Variants in FSTL4 observed in about 807,000 individuals in gnomAD.
FSTL4 encodes the protein follistatin like 4, also known as follistatin-related protein 4.
A neutral mutation model predicts 78.2 loss-of-function variants in FSTL4; 28 were observed. The ratio of observed to expected loss-of-function variants is 0.36; its 90% CI spans 0.27 to 0.49. The LOEUF is 0.49. Ranked by LOEUF, FSTL4 falls within the 20% of genes least tolerant of loss-of-function variation. The pLI is 0.98. For synonymous variants in FSTL4, 422 were observed against 440.5 expected (o/e 0.96, Z 0.53); for missense variants, 922 against 1,084.9 (o/e 0.85, Z 2.11).
intron 3 of FSTL4, among the ~76,000 whole-genome samples, chr5:133,517,655 G>T (rs1245674155): frequency 6.6e-6 from 1 of 150,882 alleles, no homozygotes; most frequent in Non-Finnish European, 1.5e-5. Context: ...GAGAGAGGGA[G>T]AAATAGATCT....
chr5:133,371,809 G>A (rs1225540982), intron 4 of FSTL4, among the ~76,000 whole-genome samples: 1 of 152,224 alleles, frequency 6.6e-6, no homozygotes, highest in South Asian at 2.1e-4. Context: ...GTCTGTTAGA[G>A]CTGGAAGGAC....
intron 8 of FSTL4, among the ~76,000 whole-genome samples, chr5:133,229,479 T>C (rs1275732094): frequency 6.6e-6 from 1 of 151,932 alleles, no homozygotes; most frequent in South Asian, 2.1e-4. Flanking sequence ...GCCTAGATCA[T>C]GCTATTGCAC....
chr5:133,485,702 C>A (rs1382896306), intron 3 of FSTL4, among the ~76,000 whole-genome samples: 1 of 152,184 alleles, frequency 6.6e-6, no homozygotes, highest in Non-Finnish European at 1.5e-5. Context: ...CAGCAACGTT[C>A]GGGTCCTCGG....
At position 133,199,448 on chromosome 5, in the gene FSTL4, A is replaced by G. The variant is rs1750249664; in HGVS notation, c.2176T>C (p.Tyr726His). The G allele has an allele frequency of 1.2e-6, 2 of 1,614,106 alleles. No individual in the cohort carries two copies. Among genetic ancestry groups the G allele is most frequent in the African/African-American group, 1.3e-5 (1 of 74,942 alleles). The change falls in exon 16 of 16, where the codon TAT becomes CAT. Residue 726 changes from tyrosine (Y) to histidine (H), a missense_variant. By Grantham distance (83) the Tyr-to-His change is moderately conservative. Transcript: ENST00000265342. This position sits in a 1 kb window ranked among gnomAD's most constrained non-coding sequence, Gnocchi z 4.4. ...ATGCCCGAGTTTATTTGCAGGTCAT[A>G]CAGGGTCTGGATCTCGCCCCGCACT... is the stretch of plus-strand genomic sequence containing the variant. ...ITVRGEIQTL[Y>H]DLQINSGISD...
the FSTL4 span, among the ~76,000 whole-genome samples, chr5:133,640,495 A>T: frequency 6.6e-6 from 1 of 152,178 alleles, no homozygotes; most frequent in Non-Finnish European, 1.5e-5. Context: ...GTTGAGCTCT[A>T]ATTATCCCAG....
the FSTL4 span, among the ~76,000 whole-genome samples, chr5:133,681,639 T>C: frequency 6.6e-6 from 1 of 152,174 alleles, no homozygotes; most frequent in Non-Finnish European, 1.5e-5. Context: ...CTGGGGCTCA[T>C]TATTACAAAA....
chr5:133,318,175 G>A (rs1051903475), intron 4 of FSTL4, among the ~76,000 whole-genome samples: 1 of 152,048 alleles, frequency 6.6e-6, no homozygotes. Context: ...TTGCTCTCTG[G>A]GAGTCTTCAT....
chr5:133,466,527 G>A (rs1415916055), intron 3 of FSTL4, among the ~76,000 whole-genome samples: 9 of 151,310 alleles, frequency 5.9e-5, no homozygotes, highest in African/African-American at 2.2e-4. Context: ...GGGCGAAAGA[G>A]CGAGACTCTG....
intron 2 of FSTL4, among the ~76,000 whole-genome samples, chr5:133,581,351 T>C (rs1488241905): frequency 2.0e-5 from 3 of 152,216 alleles, no homozygotes; most frequent in Non-Finnish European, 2.9e-5. Flanking sequence ...TCACGTAGGA[T>C]GCACCATGAA....
At chr5:133,305,412 C>T (rs1284620457) in intron 6 of FSTL4, among the ~76,000 whole-genome samples, 1 of 152,212 alleles carries the variant, frequency 6.6e-6, no homozygotes, top group South Asian at 2.1e-4. Flanking sequence ...AGCCCCTTGT[C>T]CCTTGGGATC....
At chr5:133,565,807 A>C (rs1049565908) in intron 3 of FSTL4, among the ~76,000 whole-genome samples, 1 of 152,250 alleles carries the variant, frequency 6.6e-6, no homozygotes, top group Non-Finnish European at 1.5e-5. Flanking sequence ...AAAAAGGTTA[A>C]GTTTATATGT....
intron 3 of FSTL4, among the ~76,000 whole-genome samples, chr5:133,493,938 C>A (rs1247018345): frequency 6.6e-6 from 1 of 152,150 alleles, no homozygotes; most frequent in African/African-American, 2.4e-5. Flanking sequence ...AGACAGAAAC[C>A]AGCCCCCAGC....
chr5:133,727,845 G>A, the FSTL4 span, among the ~76,000 whole-genome samples: 8 of 152,218 alleles, frequency 5.3e-5, no homozygotes, highest in East Asian at 1.9e-4. Flanking sequence ...AGGATGCAGC[G>A]TCAGGGGAGC....
chr5:133,360,283 T>C (rs1299027012), intron 4 of FSTL4, among the ~76,000 whole-genome samples: 1 of 152,212 alleles, frequency 6.6e-6, no homozygotes, highest in Non-Finnish European at 1.5e-5. Flanking sequence ...GCCCATTTGA[T>C]GATGAGAAAG....
At chr5:133,404,916 T>C (rs1756321638) in intron 3 of FSTL4, among the ~76,000 whole-genome samples, 1 of 152,138 alleles carries the variant, frequency 6.6e-6, no homozygotes, top group African/African-American at 2.4e-5. Context: ...CAAAGAAAAC[T>C]AACGAGTGCT....
chr5:133,292,371 AG>A (rs1753285580), intron 6 of FSTL4, among the ~76,000 whole-genome samples: 1 of 152,028 alleles, frequency 6.6e-6, no homozygotes, highest in Non-Finnish European at 1.5e-5. Context: ...CCTTTCCTCC[AG>A]GCCCCAGTCC....
chr5:133,649,772 T>C, the FSTL4 span, among the ~76,000 whole-genome samples: 4 of 152,158 alleles, frequency 2.6e-5, no homozygotes, highest in African/African-American at 9.7e-5. Flanking sequence ...TATCAGATGT[T>C]TCTTTTGTAA....
chr5:133,685,731 A>G, the FSTL4 span, among the ~76,000 whole-genome samples: 2 of 152,218 alleles, frequency 1.3e-5, no homozygotes, highest in African/African-American at 4.8e-5. Context: ...GCCAGAGGGT[A>G]TGGGCTTATG....
chr5:133,480,877 C>A (rs1255326544), intron 3 of FSTL4, among the ~76,000 whole-genome samples: 2 of 152,188 alleles, frequency 1.3e-5, no homozygotes, highest in Admixed American at 1.3e-4. Flanking sequence ...CCTAAGGCTT[C>A]ACCTACCTTT....
Sources: gnomAD v4.1 joint callset for allele counts (sites outside exome capture counted in the v4.1 genomes callset) on GRCh38, gnomAD v4.1.1 for gene constraint, Gnocchi (gnomAD v3.1) non-coding constraint, MANE v1.5 for transcripts, NCBI Gene and HGNC (gene_info 2026-07-23, HGNC 2026-07-21) for gene names.